STARD10: variants seen among roughly 807,000 people sequenced by gnomAD.
The protein encoded by STARD10 is StAR related lipid transfer domain containing 10, also known as START domain-containing protein 10.
In STARD10, 24 loss-of-function variants were observed where a neutral mutation model predicts 36.0. The observed-to-expected ratio is 0.67, with a 90% CI of 0.48 to 0.94. The LOEUF is 0.94. Among genes scored for constraint, STARD10 ranks in the 40% least tolerant of loss-of-function variants. The pLI, the probability that STARD10 is intolerant of heterozygous loss-of-function variation, is 0.00. For missense variants in STARD10, 335 were observed against 396.6 expected (o/e 0.84, Z 1.32); for synonymous variants, 156 against 161.9 (o/e 0.96, Z 0.28).
At position 72,759,046 on chromosome 11, in the gene STARD10, G is replaced by A. The variant is rs1286576705; in HGVS notation, c.355+188C>T. The stretch of plus-strand genomic sequence containing the variant: ...TGAACATGTGAGTGCATATGTATTT[G>A]TAAGTGTATGGGTGTGTGCCTAAGG... On this transcript the variant is annotated intron_variant, in intron 3 of 6. Coordinates refer to ENST00000334805, the MANE Select transcript of STARD10 (RefSeq NM_006645.3). 9.4e-6 allele frequency: 6 copies of A among 639,994 alleles called. No individual in the cohort carries two copies. In the East Asian group the frequency reaches 1.4e-4, roughly 15 times the overall value. The allele number at this position is 639,994 out of a possible 1,614,324, so 39.6% of individuals were successfully genotyped here.
rs1479450604 is a variant in STARD10, at chr11:72,781,044, G to A, written c.138C>T (p.Thr46=). 3 of 1,614,176 alleles carry A rather than the reference G, an allele frequency of 1.9e-6. No individual in the cohort carries two copies. The change falls in exon 2 of 7, where the codon ACC becomes ACT. Residue 46 remains threonine, a synonymous_variant. Transcript: ENST00000334805. The surrounding 1 kb of genome is among the most constrained non-coding windows in gnomAD (Gnocchi z 4.7). ...ECEAEVGWNL[T]YSRAGVSVWV... Reference sequence around the variant, plus strand: ...AGACAGACACCCCAGCCCTGCTATAGGTCAGGTTCCAGCCCACCTCAGCCT... The same window carrying A: ...AGACAGACACCCCAGCCCTGCTATAAGTCAGGTTCCAGCCCACCTCAGCCT...
chr11:72,756,433 G>C (rs563524135), intron 5 of STARD10, among the ~76,000 whole-genome samples: 12 of 152,182 alleles, frequency 7.9e-5, no homozygotes, highest in Admixed American at 2.6e-4. Flanking sequence ...CCCACCCTGG[G>C]CCAGCCCTGG....
intron 2 of STARD10, 26 bp downstream of exon 2, chr11:72,780,949 G>C: frequency 6.2e-7 from 1 of 1,607,276 alleles, no homozygotes; most frequent in Non-Finnish European, 8.5e-7. Context: ...TGCAGTGGAG[G>C]CTGCAGGTAT....
At chr11:72,764,948 C>A (rs1411059538) in intron 2 of STARD10, among the ~76,000 whole-genome samples, 2 of 152,164 alleles carry the variant, frequency 1.3e-5, no homozygotes, top group African/African-American at 4.8e-5. Flanking sequence ...CAGCAGGGAC[C>A]CCGACATGCA....
chr11:72,780,660 G>T (rs1219546848), intron 2 of STARD10: 13 of 436,688 alleles, frequency 3.0e-5, no homozygotes, highest in Non-Finnish European at 5.6e-5. Context: ...CCAGCAGAGG[G>T]GTCCCTGAGG....
intron 2 of STARD10, among the ~76,000 whole-genome samples, chr11:72,775,476 T>C (rs1457048796): frequency 2.6e-5 from 4 of 152,056 alleles, no homozygotes; most frequent in Non-Finnish European, 4.4e-5. Flanking sequence ...TCTCCAAATG[T>C]ACTACCCTGT....
chr11:72,761,067 G>A (rs144668993), intron 2 of STARD10, among the ~76,000 whole-genome samples: 131 of 152,226 alleles, frequency 8.6e-4, no homozygotes, highest in African/African-American at 3.1e-3. Flanking sequence ...GGATGCCGCA[G>A]GAAGGACACA....
intron 2 of STARD10, among the ~76,000 whole-genome samples, chr11:72,769,868 G>A (rs955092277): frequency 3.9e-5 from 6 of 152,198 alleles, no homozygotes; most frequent in African/African-American, 1.4e-4. Context: ...ACAGAGGGTG[G>A]AGGGTTCCCC....
chr11:72,783,587 T>C (rs1263220449), intron 1 of STARD10: 1 of 153,036 alleles, frequency 6.5e-6, no homozygotes, highest in East Asian at 1.9e-4. Context: ...GGGTATCAGA[T>C]AAAACCCAAA....
intron 2 of STARD10, among the ~76,000 whole-genome samples, chr11:72,776,032 G>T (rs1591269021): frequency 2.6e-5 from 4 of 152,228 alleles, no homozygotes; most frequent in Non-Finnish European, 5.9e-5. Context: ...GACTACCTGG[G>T]GTCATGCTCT....
intron 1 of STARD10, among the ~76,000 whole-genome samples, chr11:72,789,069 AC>A (rs1859111051): frequency 2.8e-5 from 1 of 36,332 alleles, no homozygotes; most frequent in African/African-American, 1.1e-4. Flanking sequence ...CTGGTCTCGA[AC>A]TTCTGGCCTC....
At chr11:72,774,710 C>T (rs1208497879) in intron 2 of STARD10, among the ~76,000 whole-genome samples, 1 of 152,238 alleles carries the variant, frequency 6.6e-6, no homozygotes, top group African/African-American at 2.4e-5. Flanking sequence ...TCAGTGGCAA[C>T]CAGGCACCCA....
chr11:72,782,831 T>G (rs1283453783), intron 1 of STARD10, among the ~76,000 whole-genome samples: 1 of 152,060 alleles, frequency 6.6e-6, no homozygotes, highest in East Asian at 1.9e-4. Context: ...CCAGGGTGAG[T>G]GTGGCAGTCT....
intron 2 of STARD10, among the ~76,000 whole-genome samples, chr11:72,778,804 T>C (rs146300386): frequency 8.9e-4 from 136 of 152,204 alleles, no homozygotes; most frequent in Non-Finnish European, 1.6e-3. Flanking sequence ...GGGTATGACA[T>C]AGGGATTACC....
rs75635736 is a variant in STARD10, at chr11:72,779,123, C to A, written c.207+1852G>T. Among the ~76,000 whole-genome samples, 16 of 152,310 alleles carry A rather than the reference C, an allele frequency of 1.1e-4. No homozygotes were observed. The East Asian group carries it at 3.1e-3, about 29-fold the overall frequency. On this transcript the variant is annotated intron_variant, in intron 2 of 6. Transcript: ENST00000334805. Reference sequence around the variant, plus strand: ...TGGGAGTACTGGCCTCAGTTCAGACCCCTCCTCCTCTGACTTTCTGGAGTG... The same window carrying A: ...TGGGAGTACTGGCCTCAGTTCAGACACCTCCTCCTCTGACTTTCTGGAGTG...
intron 3 of STARD10, among the ~76,000 whole-genome samples, 160 bp from the exon 4 acceptor site, chr11:72,758,793 G>A (rs1209260551): frequency 6.6e-6 from 1 of 152,250 alleles, no homozygotes; most frequent in African/African-American, 2.4e-5. Flanking sequence ...GCTGGAGCCA[G>A]AAAAGAGACA....
rs869274892 is a variant in STARD10, at chr11:72,785,560, CAAAAAAA to C, written c.-113-4273_-113-4267del. ...TGGGTGACAGGGCGAGGCTCTGTCT[CAAAAAAA>C]AAAAAAAAAAAAAAAAAAAAGGGAA... On this transcript the variant is annotated intron_variant, in intron 1 of 6. Transcript: ENST00000334805. 5.1e-4 allele frequency among the ~76,000 whole-genome samples: 21 copies of C among 41,554 alleles called. No individual in the cohort carries two copies. In the Admixed American group the frequency reaches 5.3e-3, roughly 11 times the overall value. The allele number at this position is 41,554 out of a possible 152,430, so 27.3% of individuals were successfully genotyped here.
At chr11:72,786,034 T>G (rs935049314) in intron 1 of STARD10, 6 of 152,300 alleles carry the variant, frequency 3.9e-5, no homozygotes, top group African/African-American at 9.7e-5. Context: ...AGCAGTGACA[T>G]GGAGGAGGAG....
At chr11:72,755,865 A>G (rs1326396414) in intron 5 of STARD10, 112 bp from the exon 6 acceptor site, 1 of 997,046 alleles carries the variant, frequency 1.0e-6, no homozygotes, top group East Asian at 2.6e-5. Context: ...CTTCCCCATG[A>G]GGAGGAGGTG....
Sources: gnomAD v4.1 joint callset for allele counts (sites outside exome capture counted in the v4.1 genomes callset) on GRCh38, gnomAD v4.1.1 for gene constraint, Gnocchi (gnomAD v3.1) non-coding constraint, MANE v1.5 for transcripts, NCBI Gene and HGNC (gene_info 2026-07-23, HGNC 2026-07-21) for gene names.